The following MMEL1 variants were observed in gnomAD, a reference collection of about 807,000 sequenced individuals.
MMEL1 encodes membrane metalloendopeptidase like 1.
In MMEL1, 98 loss-of-function variants were observed where a neutral mutation model predicts 117.1. The observed-to-expected ratio is 0.84, with a 90% CI of 0.71 to 0.99. MMEL1 has a LOEUF of 0.99. Ranked by LOEUF, MMEL1 falls within the 50% of genes least tolerant of loss-of-function variation. The pLI, the probability that MMEL1 is intolerant of heterozygous loss-of-function variation, is 0.00. For synonymous variants in MMEL1, 390 were observed against 415.1 expected (o/e 0.94, Z 0.74); for missense variants, 1,014 against 1,049.1 (o/e 0.97, Z 0.46).
intron 1 of MMEL1, among the ~76,000 whole-genome samples, chr1:2,631,609 T>G (rs776144681): frequency 1.2e-4 from 19 of 152,052 alleles, no homozygotes; most frequent in Non-Finnish European, 2.4e-4. Context: ...CGCTCCTCCC[T>G]TCCTGTCCCC....
rs777138823 is a variant in MMEL1 at position 2,596,064 on chromosome 1, G to A, written c.1445C>T (p.Thr482Met). 39 of 1,613,884 alleles carry A rather than the reference G, an allele frequency of 2.4e-5. No homozygotes were observed. In the South Asian group the frequency reaches 3.7e-4, roughly 15 times the overall value. Residue 482 changes from threonine (T) to methionine (M), a missense_variant, in exon 15 of 24, where the codon ACG (threonine) becomes ATG (methionine). Transcript: ENST00000378412. ...GTCCATCCAGCCCAGCTCGTCCAGC[G>A]TCTCCACAAACACTGTCCGCACCTT... is the stretch of plus-strand genomic sequence containing the variant. ...IDKVRTVFVETLDELGWMDEE... is the reference protein window; with the variant it reads ...IDKVRTVFVEMLDELGWMDEE...
In MMEL1 at chr1:2,623,506, C is replaced by T. The variant is rs555877627; in HGVS notation, c.154+5825G>A. ...GTGATAAGGCCCTCCAAGGAAAGGC[C>T]GGATATGTAAATTATTTCACTTTGG... is the stretch of plus-strand genomic sequence containing the variant. On this transcript the variant is annotated intron_variant, in intron 2 of 23. Transcript: ENST00000378412. Among the ~76,000 whole-genome samples the T allele has an allele frequency of 5.9e-5, 9 of 152,214 alleles. No individual in the cohort carries two copies. The East Asian group carries it at 1.5e-3, about 26-fold the overall frequency.
At chr1:2,621,804 CACCT>C (rs1267770465) in intron 2 of MMEL1, among the ~76,000 whole-genome samples, 1 of 152,126 alleles carries the variant, frequency 6.6e-6, no homozygotes, top group Non-Finnish European at 1.5e-5. Flanking sequence ...TCAGGTGATC[CACCT>C]ACCTTGGCCT....
chr1:2,631,176 G>A (rs1456438438), intron 1 of MMEL1, among the ~76,000 whole-genome samples: 3 of 152,184 alleles, frequency 2.0e-5, no homozygotes, highest in Admixed American at 1.3e-4. Context: ...CCCGGTCCTA[G>A]GGAAGCGGCT....
At chr1:2,610,760 A>G (rs1461895358) in intron 4 of MMEL1, among the ~76,000 whole-genome samples, 1 of 152,182 alleles carries the variant, frequency 6.6e-6, no homozygotes, top group Admixed American at 6.5e-5. Context: ...AATTCTGTCC[A>G]ACTTGGTCTT....
intron 11 of MMEL1, among the ~76,000 whole-genome samples, chr1:2,603,471 G>A (rs971495384): frequency 6.6e-6 from 1 of 152,130 alleles, no homozygotes; most frequent in African/African-American, 2.4e-5. Context: ...TGTGGCCAGG[G>A]GGAACTGCTA....
At chr1:2,610,874 T>C (rs756153310) in intron 4 of MMEL1, among the ~76,000 whole-genome samples, 33 of 152,166 alleles carry the variant, frequency 2.2e-4, no homozygotes, top group Non-Finnish European at 3.1e-4. Flanking sequence ...TTCTCCACTA[T>C]TGGCGCTTTC....
At chr1:2,604,805 G>A (rs1348500325) in intron 9 of MMEL1, among the ~76,000 whole-genome samples, 1 of 152,176 alleles carries the variant, frequency 6.6e-6, no homozygotes, top group Non-Finnish European at 1.5e-5. Flanking sequence ...CTCTGGCCAG[G>A]CTTGGCCCAT....
intron 21 of MMEL1, 27 bp downstream of exon 21, chr1:2,592,618 CTGCCGCGCTG>C: frequency 7.1e-7 from 1 of 1,416,618 alleles, no homozygotes; most frequent in Non-Finnish European, 9.3e-7. Context: ...GCCCCCTCCC[CTGCCGCGCTG>C]ACGCCCCCTC....
rs778668549 is a variant in MMEL1 at position 2,592,885 on chromosome 1, C to T, written c.1949G>A (p.Cys650Tyr). The T allele has an allele frequency of 6.2e-7, 1 of 1,613,828 alleles. No homozygotes were observed. Among genetic ancestry groups the T allele is most frequent in the South Asian group, 1.1e-5 (1 of 91,072 alleles). ...STQHFREQSE[C>Y]MIYQYGNYSW... ...GTAGTTGCCGTACTGGTAGATCATG[C>T]ACTCTGACTGCTCCCGGAAGTGCTG... The change falls in exon 20 of 24, where the codon TGC (cysteine) becomes TAC (tyrosine). Residue 650 changes from cysteine (C) to tyrosine (Y), a missense_variant. By Grantham distance (194) the Cys-to-Tyr change is radical. Transcript: ENST00000378412.
At chr1:2,616,680 C>T (rs576552126) in intron 2 of MMEL1, among the ~76,000 whole-genome samples, 1 of 152,270 alleles carries the variant, frequency 6.6e-6, no homozygotes, top group Admixed American at 6.5e-5. Flanking sequence ...GAATGATGAG[C>T]CTGAGAAAGG....
At chr1:2,609,595 AGCCAGGACCAACTCCTGGCCC>A in intron 5 of MMEL1, 54 bp downstream of exon 5, 1 of 1,551,614 alleles carries the variant, frequency 6.4e-7, no homozygotes, top group Non-Finnish European at 8.8e-7. Flanking sequence ...GGCGAGACAC[AGCCAGGACCAACTCCTGGCCC>A]GGTGCTGTCC....
In MMEL1 at chr1:2,594,428, C is replaced by T. The variant is rs376096634; in HGVS notation, c.1704G>A (p.Ala568=). Reference sequence around the variant, plus strand: ...GGGAGTAGAACGCATTGACCACCGCCGCCCCGATGATCCAGCTGTGATAGA... The same window carrying T: ...GGGAGTAGAACGCATTGACCACCGCTGCCCCGATGATCCAGCTGTGATAGA... The part of the protein sequence containing the change: ...KVDPNLWIIG[A]AVVNAFYSPN... The change falls in exon 18 of 24, where the codon GCG becomes GCA. Residue 568 remains alanine, a synonymous_variant. Coordinates refer to ENST00000378412, the MANE Select transcript of MMEL1 (RefSeq NM_033467.4). 63 of 1,551,538 alleles carry T rather than the reference C, an allele frequency of 4.1e-5. No individual in the cohort carries two copies. The highest frequency in any genetic ancestry group is 2.0e-4 in the Admixed American group (10 of 51,008).
chr1:2,604,122 T>A, intron 10 of MMEL1, 25 bp downstream of exon 10: 75 of 1,357,266 alleles, frequency 5.5e-5, no homozygotes, highest in Non-Finnish European at 7.1e-5. Flanking sequence ...CGCTGCCCGC[T>A]CCCCACCCGC....
chr1:2,594,256 G>C, intron 18 of MMEL1, 129 bp downstream of exon 18: 1 of 1,058,328 alleles, frequency 9.4e-7, no homozygotes, highest in Non-Finnish European at 1.4e-6. Flanking sequence ...AGCAAGGGGT[G>C]ACATAGGAGA....
intron 19 of MMEL1, among the ~76,000 whole-genome samples, chr1:2,593,334 G>A (rs1644774428): frequency 1.3e-5 from 2 of 152,354 alleles, no homozygotes; most frequent in Non-Finnish European, 2.9e-5. Context: ...GACTGCCCAC[G>A]GAAGGTCCGG....
intron 16 of MMEL1, 96 bp from the exon 17 acceptor site, chr1:2,594,989 T>C: frequency 9.5e-7 from 1 of 1,050,032 alleles, no homozygotes; most frequent in South Asian, 1.4e-5. Context: ...ACCTCAAGCC[T>C]TGCCAGGCGT....
At chr1:2,591,376 T>A in intron 23 of MMEL1, 181 bp downstream of exon 23, 1 of 614,760 alleles carries the variant, frequency 1.6e-6, no homozygotes, top group Non-Finnish European at 2.9e-6. Flanking sequence ...AACCCTTAAA[T>A]GCCCTTAGTC....
At chr1:2,630,865 C>A (rs865950109) in intron 1 of MMEL1, among the ~76,000 whole-genome samples, 5 of 144,456 alleles carry the variant, frequency 3.5e-5, no homozygotes, top group Non-Finnish European at 6.0e-5. Flanking sequence ...CGTGTACTCT[C>A]GTGTGTGCAT....
Sources: allele counts gnomAD v4.1 joint callset (sites outside exome capture counted in the v4.1 genomes callset), GRCh38; gene constraint gnomAD v4.1.1; transcripts MANE v1.5; gene names NCBI Gene and HGNC (gene_info 2026-07-23, HGNC 2026-07-21).